The following EXOC6 variants were observed in gnomAD, a reference collection of about 807,000 sequenced individuals.
EXOC6 encodes the protein SEC15-like 1.
A neutral mutation model predicts 112.5 loss-of-function variants in EXOC6; 60 were observed. That is an observed-to-expected ratio of 0.53 (90% CI 0.43 to 0.66). EXOC6 has a LOEUF of 0.66. Ranked by LOEUF, EXOC6 falls within the 30% of genes least tolerant of loss-of-function variation. The pLI, the probability that EXOC6 is intolerant of heterozygous loss-of-function variation, is 0.00. For synonymous variants in EXOC6, 295 were observed against 308.0 expected (o/e 0.96, Z 0.44); for missense variants, 855 against 957.1 (o/e 0.89, Z 1.41).
At chr10:92,920,794 A>G (rs1791949333) in intron 8 of EXOC6, among the ~76,000 whole-genome samples, 1 of 152,138 alleles carries the variant, frequency 6.6e-6, no homozygotes, top group African/African-American at 2.4e-5. Flanking sequence ...TATGTTTATA[A>G]TTGTTATGTC....
intron 20 of EXOC6, among the ~76,000 whole-genome samples, chr10:93,041,146 C>T (rs9420608): frequency 2.0e-5 from 3 of 152,066 alleles, no homozygotes; most frequent in Non-Finnish European, 4.4e-5. Flanking sequence ...TTGCCATGTC[C>T]TGGACAATCA....
At chr10:92,994,951 G>C (rs1258294782) in intron 18 of EXOC6, among the ~76,000 whole-genome samples, 1 of 151,780 alleles carries the variant, frequency 6.6e-6, no homozygotes, top group Non-Finnish European at 1.5e-5. Flanking sequence ...TAGTTACAAA[G>C]TAGACATTTA....
Position 93,056,965 on chromosome 10 carries a change from A to T in EXOC6, c.2211A>T (p.Leu737=), listed in dbSNP as rs1182600813. The change falls in exon 21 of 22, where the codon CTA becomes CTT. Residue 737 remains leucine, a synonymous_variant. Transcript: ENST00000260762. ...TGGTTTGGGATTGGTCTACTTACCTAGCTGATTATGGGCAGCCAGCTTCTA... is the reference window on the plus strand; with the variant it reads ...TGGTTTGGGATTGGTCTACTTACCTTGCTGATTATGGGCAGCCAGCTTCTA... ...LFMVWDWSTY[L]ADYGQPASKY... 6 of 1,600,772 alleles carry T rather than the reference A, an allele frequency of 3.7e-6. No individual in the cohort carries two copies. Among genetic ancestry groups the T allele is most frequent in the Non-Finnish European group, 5.1e-6 (6 of 1,175,824 alleles).
intron 8 of EXOC6, 43 bp from the exon 9 acceptor site, chr10:92,928,296 G>A: frequency 9.3e-7 from 1 of 1,077,794 alleles, no homozygotes; most frequent in Middle Eastern, 2.1e-4. Flanking sequence ...AGTTGTATGT[G>A]TGTGTATGTG....
At chr10:92,895,523 T>C (rs904077414) in intron 4 of EXOC6, among the ~76,000 whole-genome samples, 1 of 152,128 alleles carries the variant, frequency 6.6e-6, no homozygotes, top group Non-Finnish European at 1.5e-5. Context: ...TCCTCCTGTA[T>C]TTTGGAAACG....
intron 1 of EXOC6, among the ~76,000 whole-genome samples, chr10:92,849,160 C>A (rs772497671): frequency 2.0e-5 from 3 of 152,120 alleles, no homozygotes; most frequent in Non-Finnish European, 4.4e-5. Flanking sequence ...GCCCGCTTTC[C>A]CCCTACTCCC....
intron 12 of EXOC6, 72 bp from the exon 13 acceptor site, chr10:92,940,655 A>G (rs1852609408): frequency 1.1e-6 from 1 of 933,936 alleles, no homozygotes; most frequent in East Asian, 2.5e-5. Context: ...ATGATTCTCT[A>G]GTATTCCCAA....
At chr10:92,874,285 A>G (rs1191511246) in intron 1 of EXOC6, among the ~76,000 whole-genome samples, 1 of 152,150 alleles carries the variant, frequency 6.6e-6, no homozygotes, top group Non-Finnish European at 1.5e-5. Context: ...TAAAATTTAT[A>G]TGGCATATCA....
At chr10:92,856,110 T>G (rs1334136765) in intron 1 of EXOC6, among the ~76,000 whole-genome samples, 1 of 152,080 alleles carries the variant, frequency 6.6e-6, no homozygotes, top group Non-Finnish European at 1.5e-5. Flanking sequence ...GTGATCTGCC[T>G]GCCTTTGCCT....
At chr10:92,931,642 C>T (rs1852046365) in intron 9 of EXOC6, among the ~76,000 whole-genome samples, 2 of 151,218 alleles carry the variant, frequency 1.3e-5, no homozygotes, top group Admixed American at 1.3e-4. Context: ...TTTGAATAGA[C>T]ATTTTACCAA....
At chr10:93,021,168 C>T (rs1325014853) in intron 20 of EXOC6, among the ~76,000 whole-genome samples, 1 of 151,804 alleles carries the variant, frequency 6.6e-6, no homozygotes, top group East Asian at 2.0e-4. Flanking sequence ...ACACTTTCCC[C>T]ATCTCCCTTT....
At chr10:92,951,027 A>G (rs1019784415) in intron 14 of EXOC6, among the ~76,000 whole-genome samples, 7 of 152,196 alleles carry the variant, frequency 4.6e-5, no homozygotes, top group African/African-American at 9.6e-5. Flanking sequence ...GTCAAGTAAG[A>G]TAACCAAGTT....
chr10:92,867,878 C>T (rs1848257386), intron 1 of EXOC6, among the ~76,000 whole-genome samples: 1 of 152,156 alleles, frequency 6.6e-6, no homozygotes, highest in Admixed American at 6.5e-5. Context: ...GCATTAGTAT[C>T]AGCTTTCTAC....
chr10:92,955,474 T>C, intron 16 of EXOC6, 106 bp from the exon 17 acceptor site: 1 of 898,708 alleles, frequency 1.1e-6, no homozygotes, highest in South Asian at 1.5e-5. Context: ...GCTGCAATTA[T>C]GTAGAAATGG....
chr10:92,919,952 T>C (rs1473946855), intron 7 of EXOC6, 30 bp from the exon 8 acceptor site: 1 of 1,452,494 alleles, frequency 6.9e-7, no homozygotes, highest in African/African-American at 1.4e-5. Flanking sequence ...GTTTGACCTA[T>C]AATTTTTTTA....
At chr10:92,855,122 T>C (rs1010666935) in intron 1 of EXOC6, among the ~76,000 whole-genome samples, 7 of 152,226 alleles carry the variant, frequency 4.6e-5, no homozygotes, top group African/African-American at 1.7e-4. Context: ...CTCACTGTGT[T>C]GCCCAGACTG....
At chr10:92,946,318 C>T (rs1298144725) in intron 13 of EXOC6, among the ~76,000 whole-genome samples, 3 of 151,642 alleles carry the variant, frequency 2.0e-5, no homozygotes, top group Non-Finnish European at 4.4e-5. Context: ...CGCTTGAACC[C>T]GGGAGGCTGA....
chr10:92,834,743 T>C (rs1181028598), exon 1 of EXOC6: 1 of 1,608,960 alleles, frequency 6.2e-7, no homozygotes, highest in African/African-American at 1.3e-5. Context: ...CGAGCGATGT[T>C]GGAAGAAGAA....
intron 9 of EXOC6, among the ~76,000 whole-genome samples, chr10:92,930,343 A>C (rs1330990952): frequency 6.6e-6 from 1 of 152,034 alleles, no homozygotes; most frequent in Non-Finnish European, 1.5e-5. Flanking sequence ...TCTCTACTAA[A>C]AATACAAAAA....
Sources: gnomAD v4.1 joint callset for allele counts (sites outside exome capture counted in the v4.1 genomes callset) on GRCh38, gnomAD v4.1.1 for gene constraint, MANE v1.5 for transcripts, NCBI Gene and HGNC (gene_info 2026-07-23, HGNC 2026-07-21) for gene names.